HOMER1: variants seen among roughly 807,000 people sequenced by gnomAD.
HOMER1 encodes homer scaffold protein 1.
HOMER1 carries 3 observed loss-of-function variants against 48.9 expected under a neutral mutation model. That is an observed-to-expected ratio of 0.06 (90% confidence interval 0.03 to 0.16). HOMER1 has a LOEUF of 0.16. HOMER1 is among the 10% of genes least tolerant of loss of function. HOMER1 has a pLI of 1.00. For missense variants in HOMER1, 247 were observed against 411.4 expected, an observed-to-expected ratio of 0.60 and a Z score of 3.46; for synonymous variants, 134 against 146.4, an observed-to-expected ratio of 0.92 and a Z score of 0.61.
intron 5 of HOMER1, among the ~76,000 whole-genome samples, chr5:79,408,451 C>G (rs1749726191): frequency 6.6e-6 from 1 of 151,928 alleles, no homozygotes; most frequent in African/African-American, 2.4e-5. Flanking sequence ...TAGATCTACA[C>G]AGAGATGAAA....
At chr5:79,396,224 G>T (rs1439233081) in intron 8 of HOMER1, among the ~76,000 whole-genome samples, 1 of 151,926 alleles carries the variant, frequency 6.6e-6, no homozygotes, top group East Asian at 1.9e-4. Flanking sequence ...TTACACTGAA[G>T]AACGAAAAGT....
At chr5:79,459,452 C>T (rs1381840048) in intron 1 of HOMER1, among the ~76,000 whole-genome samples, 5 of 152,128 alleles carry the variant, frequency 3.3e-5, no homozygotes, top group Non-Finnish European at 7.4e-5. Flanking sequence ...CTTTAATTCT[C>T]TTCTGAACAG....
chr5:79,476,697 G>A (rs73122395), intron 1 of HOMER1, among the ~76,000 whole-genome samples: 3,195 of 152,238 alleles, frequency 0.021, 123 homozygotes, highest in African/African-American at 0.074. Flanking sequence ...GAAGCTTCCA[G>A]GCTCTCTCCA....
At chr5:79,475,428 C>CTTTTTT (rs370912747) in intron 1 of HOMER1, among the ~76,000 whole-genome samples, 1 of 127,104 alleles carries the variant, frequency 7.9e-6, no homozygotes, top group Non-Finnish European at 1.6e-5. Flanking sequence ...AATTCTTAGA[C>CTTTTTT]TTTTTTTTTT....
chr5:79,498,961 G>A (rs866157376), intron 1 of HOMER1, among the ~76,000 whole-genome samples: 6 of 151,190 alleles, frequency 4.0e-5, no homozygotes, highest in Non-Finnish European at 7.4e-5. Flanking sequence ...TCAGCCTCCC[G>A]AGTAGCTGGG....
At chr5:79,400,488 T>C (rs4596362) in intron 6 of HOMER1, among the ~76,000 whole-genome samples, 71,994 of 150,660 alleles carry the variant, frequency 0.48, 20,458 homozygotes, top group African/African-American at 0.79. Context: ...TCCTAAGTAG[T>C]TGGAACTATA....
intron 8 of HOMER1, among the ~76,000 whole-genome samples, chr5:79,379,108 AT>A (rs1748864786): frequency 2.3e-5 from 2 of 86,584 alleles, no homozygotes; most frequent in African/African-American, 1.0e-4. Context: ...ATATATATAT[AT>A]ATATAAAATA....
At chr5:79,378,006 T>C (rs2112182542) in intron 8 of HOMER1, among the ~76,000 whole-genome samples, 2 of 152,122 alleles carry the variant, frequency 1.3e-5, no homozygotes, top group East Asian at 3.9e-4. Flanking sequence ...TCACCTGAGG[T>C]CAGGAGGTCG....
intron 2 of HOMER1, among the ~76,000 whole-genome samples, chr5:79,454,298 G>A (rs1365970805): frequency 6.6e-6 from 1 of 151,750 alleles, no homozygotes; most frequent in Non-Finnish European, 1.5e-5. Context: ...ACCTTTTTTT[G>A]TATACAACAT....
intron 1 of HOMER1, among the ~76,000 whole-genome samples, chr5:79,478,819 G>A (rs1220480541): frequency 6.6e-6 from 1 of 152,142 alleles, no homozygotes; most frequent in Non-Finnish European, 1.5e-5. Flanking sequence ...GGGTATGATG[G>A]TGGGTGCCTG....
At chr5:79,503,545 A>C (rs1752665300) in intron 1 of HOMER1, among the ~76,000 whole-genome samples, 1 of 148,064 alleles carries the variant, frequency 6.8e-6, no homozygotes, top group Admixed American at 6.7e-5. Flanking sequence ...AAAAAAAAAA[A>C]AAAAAAAAAC....
At chr5:79,416,094 C>A (rs545605306) in intron 5 of HOMER1, among the ~76,000 whole-genome samples, 135 of 152,198 alleles carry the variant, frequency 8.9e-4, no homozygotes, top group Middle Eastern at 3.4e-3. Flanking sequence ...CTGCAAGCTG[C>A]TAAAAAGCCG....
rs762068272 is a variant in HOMER1, at chr5:79,439,123, A to C, written c.414T>G (p.Ser138=). 3.1e-6 allele frequency: 5 copies of C among 1,613,974 alleles called. No homozygotes were observed. In the South Asian group the frequency reaches 5.5e-5, roughly 18 times the overall value. The part of the protein sequence containing the change: ...SQESAGGDLQ[S]PLTPESINGT... ...CGTTGATACTTTCCGGTGTTAAAGGAGACTGAAGATCCCCGCCTGCGGATT... is the reference window on the plus strand; with the variant it reads ...CGTTGATACTTTCCGGTGTTAAAGGCGACTGAAGATCCCCGCCTGCGGATT... The change falls in exon 5 of 9, where the codon TCT becomes TCG. Residue 138 remains serine (S), a synonymous_variant. Transcript: ENST00000334082.
chr5:79,502,620 A>G (rs375636472), intron 1 of HOMER1, among the ~76,000 whole-genome samples: 1 of 152,324 alleles, frequency 6.6e-6, no homozygotes, highest in East Asian at 1.9e-4. Flanking sequence ...CCTGATTTCT[A>G]ATTGACCACT....
At chr5:79,432,287 G>A (rs1467306065) in intron 5 of HOMER1, among the ~76,000 whole-genome samples, 3 of 152,096 alleles carry the variant, frequency 2.0e-5, no homozygotes, top group African/African-American at 7.2e-5. Flanking sequence ...AGAAATGGAG[G>A]GGAAAAAGGA....
At chr5:79,453,926 G>A (rs1358263612) in intron 2 of HOMER1, among the ~76,000 whole-genome samples, 4 of 152,136 alleles carry the variant, frequency 2.6e-5, no homozygotes, top group Non-Finnish European at 5.9e-5. Flanking sequence ...ACTCCTGTAG[G>A]AACTGCAGCA....
At chr5:79,475,148 G>A (rs1185676647) in intron 1 of HOMER1, among the ~76,000 whole-genome samples, 1 of 151,990 alleles carries the variant, frequency 6.6e-6, no homozygotes, top group Non-Finnish European at 1.5e-5. Context: ...CTGTGCCTGT[G>A]CTACTGAACT....
intron 8 of HOMER1, among the ~76,000 whole-genome samples, chr5:79,382,275 C>T (rs931161339): frequency 3.9e-5 from 6 of 152,124 alleles, no homozygotes; most frequent in African/African-American, 1.2e-4. Context: ...CACCCCAAAT[C>T]TAGCAAGATT....
intron 1 of HOMER1, among the ~76,000 whole-genome samples, chr5:79,461,491 C>T (rs1312647692): frequency 2.0e-5 from 3 of 152,172 alleles, no homozygotes; most frequent in Non-Finnish European, 1.5e-5. Flanking sequence ...AAACAAGTTT[C>T]GCAAACACTG....
Sources: allele counts gnomAD v4.1 joint callset (sites outside exome capture counted in the v4.1 genomes callset), GRCh38; gene constraint gnomAD v4.1.1; transcripts MANE v1.5; gene names NCBI Gene and HGNC (gene_info 2026-07-23, HGNC 2026-07-21).